The following EEA1 variants were observed in gnomAD, a reference collection of about 807,000 sequenced individuals.
EEA1 encodes early endosome antigen 1, 162kD.
A neutral mutation model predicts 209.2 loss-of-function variants in EEA1; 111 were observed. That is an observed-to-expected ratio of 0.53 (90% CI 0.45 to 0.62). The LOEUF (loss-of-function observed/expected upper bound fraction) is 0.62, where lower values mean the gene tolerates loss of function less well. Ranked by LOEUF, EEA1 falls within the 20% of genes least tolerant of loss-of-function variation. EEA1 has a pLI of 0.00. For synonymous variants in EEA1, 536 were observed against 540.6 expected (o/e 0.99, Z 0.12); for missense variants, 1,343 against 1,530.8 (o/e 0.88, Z 2.05).
rs1874202570 is a variant in EEA1 at position 92,787,890 on chromosome 12, G to C, written c.3127C>G (p.Leu1043Val). Residue 1043 changes from leucine to valine, a missense_variant, in exon 22 of 29, where the codon CTA becomes GTA. By Grantham distance (32) the Leu-to-Val change is conservative. Around this residue, in one of 3 missense-constraint regions of EEA1, gnomAD observed 1,307 missense variants for 1,465.5 expected, o/e 0.89. Coordinates refer to ENST00000322349, the MANE Select transcript of EEA1 (RefSeq NM_003566.4). ...SDFYGRESEL[L>V]ATRQDLKSVE... The stretch of plus-strand genomic sequence containing the variant: ...ACCTTAAGATCTTGCCTGGTGGCTA[G>C]AAGTTCAGATTCCCTCCCATAGAAA... 10 of 1,609,568 alleles carry C rather than the reference G, an allele frequency of 6.2e-6. No individual in the cohort carries two copies. The highest frequency in any genetic ancestry group is 8.5e-6 in the Non-Finnish European group (10 of 1,178,244).
intron 1 of EEA1, among the ~76,000 whole-genome samples, chr12:92,892,194 G>T (rs752536701): frequency 2.0e-5 from 3 of 151,908 alleles, no homozygotes; most frequent in African/African-American, 7.3e-5. Flanking sequence ...AGGCTCAAGC[G>T]ATCCTCCTAT....
intron 18 of EEA1, among the ~76,000 whole-genome samples, chr12:92,805,378 A>G (rs1025088394): frequency 6.6e-6 from 1 of 152,188 alleles, no homozygotes; most frequent in African/African-American, 2.4e-5. Context: ...GATGAAAACC[A>G]TGAAGGTGTG....
intron 2 of EEA1, among the ~76,000 whole-genome samples, chr12:92,878,832 A>G (rs1005483183): frequency 6.6e-6 from 1 of 152,218 alleles, no homozygotes; most frequent in Non-Finnish European, 1.5e-5. Flanking sequence ...ATAGACATTT[A>G]TGCCAATAAA....
chr12:92,915,999 T>C (rs1880748400), intron 1 of EEA1, among the ~76,000 whole-genome samples: 1 of 152,222 alleles, frequency 6.6e-6, no homozygotes, highest in African/African-American at 2.4e-5. Flanking sequence ...GATAAGTTCC[T>C]AGTACCTAAA....
At chr12:92,796,096 A>C (rs910195542) in intron 21 of EEA1, among the ~76,000 whole-genome samples, 3 of 152,154 alleles carry the variant, frequency 2.0e-5, no homozygotes, top group African/African-American at 4.8e-5. Flanking sequence ...GAAAAAAAAA[A>C]CAGATAAATG....
intron 2 of EEA1, among the ~76,000 whole-genome samples, chr12:92,881,476 G>A (rs1343086021): frequency 1.3e-5 from 2 of 152,106 alleles, no homozygotes; most frequent in African/African-American, 4.8e-5. Context: ...AGGCGATGCA[G>A]TACTGAGATA....
At chr12:92,888,620 T>C (rs896590126) in intron 2 of EEA1, among the ~76,000 whole-genome samples, 2 of 145,638 alleles carry the variant, frequency 1.4e-5, no homozygotes, top group African/African-American at 5.0e-5. Context: ...AAGAAAACAA[T>C]TGTAAGTGGA....
chr12:92,853,997 A>T (rs1213303367), intron 5 of EEA1, 43 bp from the exon 6 acceptor site: 3 of 1,403,368 alleles, frequency 2.1e-6, no homozygotes, highest in Non-Finnish European at 2.8e-6. Context: ...TTAAAAGGAA[A>T]AGATAATACT....
At chr12:92,882,476 T>C (rs952113027) in intron 2 of EEA1, among the ~76,000 whole-genome samples, 2 of 151,166 alleles carry the variant, frequency 1.3e-5, no homozygotes, top group African/African-American at 2.4e-5. Flanking sequence ...CCTGGGTATA[T>C]TGCATGATGC....
At chr12:92,823,153 C>T (rs1876134339) in intron 13 of EEA1, among the ~76,000 whole-genome samples, 1 of 152,158 alleles carries the variant, frequency 6.6e-6, no homozygotes, top group South Asian at 2.1e-4. Context: ...AGAATATTCC[C>T]ACCCAAATCC....
intron 28 of EEA1, 129 bp downstream of exon 28, chr12:92,776,715 T>C (rs915534651): frequency 1.6e-5 from 13 of 816,034 alleles, no homozygotes; most frequent in Non-Finnish European, 2.5e-5. Flanking sequence ...TTATTCTATG[T>C]TGTTGTTAAA....
chr12:92,822,682 A>G (rs548756706), intron 13 of EEA1, among the ~76,000 whole-genome samples: 1 of 152,134 alleles, frequency 6.6e-6, no homozygotes, highest in African/African-American at 2.4e-5. Flanking sequence ...TATGTAACCA[A>G]TTACCTATTT....
At chr12:92,881,470 G>A (rs965585778) in intron 2 of EEA1, among the ~76,000 whole-genome samples, 2 of 151,966 alleles carry the variant, frequency 1.3e-5, no homozygotes, top group Non-Finnish European at 2.9e-5. Context: ...AAAGAAAGGC[G>A]ATGCAGTACT....
chr12:92,855,989 A>G (rs919849753), intron 5 of EEA1, among the ~76,000 whole-genome samples: 10 of 152,200 alleles, frequency 6.6e-5, no homozygotes, highest in African/African-American at 2.2e-4. Flanking sequence ...AGAATCACCA[A>G]TTAGAAAAGC....
At position 92,832,520 on chromosome 12, in the gene EEA1, T is replaced by C. The variant is rs1257209367; in HGVS notation, c.1246A>G (p.Ile416Val). ...AAATTAACAGCTCTTACTTGATTAA[T>C]TTCACTTTGGAGTTGTAACCCATGC... is the stretch of plus-strand genomic sequence containing the variant. ...EQHGLQLQSE[I>V]NQLHSKLLET... is the part of the protein sequence containing the mutation. The change falls in exon 11 of 29, where the codon ATT becomes GTT. Residue 416 changes from isoleucine to valine, a missense_variant. Ile to Val is a conservative substitution (Grantham distance 29). Transcript: ENST00000322349. 7 of 1,604,668 alleles carry C rather than the reference T, an allele frequency of 4.4e-6. No homozygotes were observed. Among genetic ancestry groups the C allele is most frequent in the African/African-American group, 1.3e-5 (1 of 74,228 alleles).
At chr12:92,830,011 T>TGG (rs72219740) in intron 11 of EEA1, among the ~76,000 whole-genome samples, 6 of 121,758 alleles carry the variant, frequency 4.9e-5, no homozygotes, top group African/African-American at 1.8e-4. Flanking sequence ...AGGGAGAGTG[T>TGG]GGGGGGGGCG....
At chr12:92,816,032 G>A (rs1165990778) in intron 15 of EEA1, among the ~76,000 whole-genome samples, 168 bp downstream of exon 15, 1 of 151,936 alleles carries the variant, frequency 6.6e-6, no homozygotes, top group African/African-American at 2.4e-5. Flanking sequence ...GAGCAGGGGA[G>A]AAAGTCAAAC....
intron 3 of EEA1, chr12:92,859,049 C>T (rs1878014600): frequency 1.4e-6 from 1 of 709,304 alleles, no homozygotes; most frequent in Non-Finnish European, 2.5e-6. Context: ...GTCTCTTATT[C>T]TATTGGAGTT....
At chr12:92,794,879 G>GAA (rs59978677) in intron 21 of EEA1, among the ~76,000 whole-genome samples, 1 of 146,450 alleles carries the variant, frequency 6.8e-6, no homozygotes, top group African/African-American at 2.5e-5. Flanking sequence ...TTAAATAAAA[G>GAA]AAAAAAAAAA....
Sources: allele counts gnomAD v4.1 joint callset (sites outside exome capture counted in the v4.1 genomes callset), GRCh38; gene constraint gnomAD v4.1.1; regional missense constraint gnomAD v4.1.1; transcripts MANE v1.5; gene names NCBI Gene and HGNC (gene_info 2026-07-23, HGNC 2026-07-21).